Variants in GNAI1 observed in about 807,000 individuals in gnomAD.
The protein encoded by GNAI1 is G protein subunit alpha i1, also known as guanine nucleotide-binding protein G(i) subunit alpha-1.
Under a neutral mutation model 38.9 loss-of-function variants are expected in GNAI1, and 11 were observed. The ratio of observed to expected loss-of-function variants is 0.28; its 90% CI spans 0.18 to 0.47. GNAI1 has a LOEUF of 0.47. Among genes scored for constraint, GNAI1 ranks in the 20% least tolerant of loss-of-function variants. The pLI, the probability that GNAI1 is intolerant of heterozygous loss-of-function variation, is 0.99. For synonymous variants in GNAI1, 166 were observed against 145.1 expected (o/e 1.14, Z -1.04); for missense variants, 317 against 436.9 (o/e 0.73, Z 2.45).
chr7:80,205,868 A>T (rs749309500), intron 5 of GNAI1, among the ~76,000 whole-genome samples: 3 of 152,130 alleles, frequency 2.0e-5, no homozygotes, highest in Non-Finnish European at 4.4e-5. Context: ...TGTATGATTC[A>T]ACATAATCAT....
chr7:80,145,581 A>C (rs1787605510), intron 1 of GNAI1, among the ~76,000 whole-genome samples: 1 of 152,192 alleles, frequency 6.6e-6, no homozygotes, highest in Admixed American at 6.5e-5. Flanking sequence ...TCTATGTCTA[A>C]AAACCATTTC....
At chr7:80,152,794 A>G (rs181476369) in intron 1 of GNAI1, among the ~76,000 whole-genome samples, 1 of 151,776 alleles carries the variant, frequency 6.6e-6, no homozygotes, top group East Asian at 1.9e-4. Context: ...CGATCTCCTG[A>G]TCTCCTGACC....
chr7:80,186,455 TAGA>T (rs1486821548), intron 1 of GNAI1, among the ~76,000 whole-genome samples: 1 of 152,212 alleles, frequency 6.6e-6, no homozygotes. Flanking sequence ...AAAAGTTAAT[TAGA>T]ATGTAGAGAT....
At chr7:80,177,689 G>C (rs1302557692) in intron 1 of GNAI1, among the ~76,000 whole-genome samples, 1 of 152,150 alleles carries the variant, frequency 6.6e-6, no homozygotes, top group Non-Finnish European at 1.5e-5. Context: ...ATGTTGTCCA[G>C]ATTGGTCTTG....
chr7:80,204,840 C>T (rs1426868366), intron 5 of GNAI1, among the ~76,000 whole-genome samples: 2 of 152,220 alleles, frequency 1.3e-5, no homozygotes, highest in South Asian at 4.1e-4. Flanking sequence ...GATAACATCA[C>T]GGGATATTCT....
At position 80,173,638 on chromosome 7, in the gene GNAI1, TG is replaced by T. The variant is rs143809009; in HGVS notation, c.119-15312del. 2.5e-3 allele frequency among the ~76,000 whole-genome samples: 376 copies of T among 152,268 alleles called. 4 individuals are homozygous for T. The highest frequency in any genetic ancestry group is 8.9e-3 in the African/African-American group (368 of 41,552). ...GGAGGGAAGAGTGGCTTAAACTCATTGTAGCAGGAATTGTCTGATCGCATAG... is the reference window on the plus strand; with the variant it reads ...GGAGGGAAGAGTGGCTTAAACTCATTTAGCAGGAATTGTCTGATCGCATAG... On this transcript the variant is annotated intron_variant, in intron 1 of 7. Transcript: ENST00000649796.
At chr7:80,175,340 TAAAA>T (rs1788162808) in intron 1 of GNAI1, among the ~76,000 whole-genome samples, 1 of 150,890 alleles carries the variant, frequency 6.6e-6, no homozygotes, top group Non-Finnish European at 1.5e-5. Flanking sequence ...AAAAGGAAAT[TAAAA>T]AATATATATG....
intron 5 of GNAI1, among the ~76,000 whole-genome samples, chr7:80,210,728 G>A (rs114265546): frequency 8.8e-6 from 1 of 113,796 alleles, no homozygotes; most frequent in Non-Finnish European, 1.8e-5. Flanking sequence ...TTTTGTTTTT[G>A]CTTTTTTTTT....
At position 80,134,848 on chromosome 7, in the gene GNAI1, G is replaced by A; in HGVS notation, c.-313G>A. On this transcript the variant is annotated 5_prime_UTR_variant, in exon 1 of 8. Transcript: ENST00000649796. ...CGGAGGCCGAGCTCGGCTGGGCTTG[G>A]CGAGGCTGCGGCGCGGCCACCGGCG... 5.2e-6 allele frequency: 1 copy of A among 193,074 alleles called. No individual in the cohort carries two copies. Among genetic ancestry groups the A allele is most frequent in the Non-Finnish European group, 1.0e-5 (1 of 95,444 alleles). The allele number at this position is 193,074 out of a possible 1,614,324, so 12.0% of individuals were successfully genotyped here. A position where few individuals can be genotyped will look rare whatever the true frequency, so the allele number is the denominator to read the frequency against.
chr7:80,195,540 G>A (rs932949765), intron 3 of GNAI1, among the ~76,000 whole-genome samples: 8 of 151,776 alleles, frequency 5.3e-5, no homozygotes, highest in Non-Finnish European at 2.9e-5. Flanking sequence ...TTCAACATAC[G>A]CAAATCAATA....
intron 1 of GNAI1, among the ~76,000 whole-genome samples, chr7:80,176,690 C>G (rs971595077): frequency 2.0e-5 from 3 of 151,996 alleles, no homozygotes; most frequent in Non-Finnish European, 4.4e-5. Flanking sequence ...AATGCCAGCA[C>G]TTTTGGGAGG....
chr7:80,211,344 G>A (rs1329597421), intron 6 of GNAI1, among the ~76,000 whole-genome samples: 1 of 151,886 alleles, frequency 6.6e-6, no homozygotes, highest in African/African-American at 2.4e-5. Context: ...TATCAACATA[G>A]CACATGGAAA....
chr7:80,149,958 C>T (rs1787695560), intron 1 of GNAI1, among the ~76,000 whole-genome samples: 1 of 152,122 alleles, frequency 6.6e-6, no homozygotes. Flanking sequence ...CCTACATACC[C>T]TAACAAAGTG....
At chr7:80,153,062 C>T (rs1049530549) in intron 1 of GNAI1, among the ~76,000 whole-genome samples, 3 of 152,078 alleles carry the variant, frequency 2.0e-5, no homozygotes, top group South Asian at 2.1e-4. Flanking sequence ...ATTTTTTTAA[C>T]ATCATTACTT....
chr7:80,217,231 A>AAACTGACTTCAGTTTCATATGTATGG, intron 7 of GNAI1, 72 bp from the exon 8 acceptor site: 1 of 1,028,286 alleles, frequency 9.7e-7, no homozygotes, highest in East Asian at 2.5e-5. Flanking sequence ...CATATGTATG[A>AAACTGACTTCAGTTTCATATGTATGG]AACTGAATTC....
intron 7 of GNAI1, among the ~76,000 whole-genome samples, chr7:80,213,104 G>T (rs1373191435): frequency 6.6e-6 from 1 of 152,122 alleles, no homozygotes; most frequent in African/African-American, 2.4e-5. Context: ...TTTTAGTGAT[G>T]ACTCCAAGTT....
intron 1 of GNAI1, chr7:80,187,303 G>A (rs916397833): frequency 6.6e-6 from 1 of 152,016 alleles, no homozygotes; most frequent in Admixed American, 6.6e-5. Flanking sequence ...TTGACCATCA[G>A]TTGTATCAGT....
intron 5 of GNAI1, among the ~76,000 whole-genome samples, chr7:80,208,842 C>T (rs1176941381): frequency 2.0e-5 from 3 of 152,166 alleles, no homozygotes; most frequent in African/African-American, 7.2e-5. Flanking sequence ...TTCCACCCAG[C>T]GCTGGAACAC....
rs772054628 is a variant in GNAI1 at position 80,220,340 on chromosome 7, A to G, written c.*2847A>G. 5.3e-5 allele frequency among the ~76,000 whole-genome samples: 8 copies of G among 152,228 alleles called. No homozygotes were observed. The highest frequency in any genetic ancestry group is 1.2e-4 in the Non-Finnish European group (8 of 68,048). On this transcript the variant is annotated 3_prime_UTR_variant, in exon 8 of 8. Coordinates refer to ENST00000649796, the MANE Select transcript of GNAI1 (RefSeq NM_002069.6). ...TAGCACTTTTAAAATGGTGTGTAAA[A>G]TGTATTGGCACTTTTAAATTTGGCA...
Sources: gnomAD v4.1 joint callset for allele counts (sites outside exome capture counted in the v4.1 genomes callset) on GRCh38, gnomAD v4.1.1 for gene constraint, MANE v1.5 for transcripts, NCBI Gene and HGNC (gene_info 2026-07-23, HGNC 2026-07-21) for gene names.